DLG2: variants seen among roughly 807,000 people sequenced by gnomAD.
DLG2 encodes discs large MAGUK scaffold protein 2.
DLG2 carries 45 observed loss-of-function variants against 132.5 expected under a neutral mutation model. That is an observed-to-expected ratio of 0.34 (90% CI 0.27 to 0.44). DLG2 has a LOEUF of 0.44. Among genes scored for constraint, DLG2 ranks in the 20% least tolerant of loss-of-function variants. DLG2 has a pLI of 1.00. For synonymous variants in DLG2, 424 were observed against 419.6 expected (o/e 1.01, Z -0.13); for missense variants, 1,045 against 1,196.9 (o/e 0.87, Z 1.87).
chr11:84,781,555 T>C (rs1048471892), intron 6 of DLG2, among the ~76,000 whole-genome samples: 3 of 151,976 alleles, frequency 2.0e-5, no homozygotes, highest in Non-Finnish European at 2.9e-5. Flanking sequence ...ATAGAAATTG[T>C]CCTTTAAGTG....
chr11:84,469,487 G>A (rs1054337606), intron 7 of DLG2, among the ~76,000 whole-genome samples: 1 of 151,610 alleles, frequency 6.6e-6, no homozygotes, highest in Non-Finnish European at 1.5e-5. Context: ...TGGTAGGAGA[G>A]CTATTTCAGT....
At chr11:83,821,480 G>C (rs186160022) in intron 17 of DLG2, among the ~76,000 whole-genome samples, 1 of 152,090 alleles carries the variant, frequency 6.6e-6, no homozygotes, top group Non-Finnish European at 1.5e-5. Flanking sequence ...CATAGTAGTT[G>C]TTTCTTTTTA....
chr11:85,489,361 A>C (rs2093505042), intron 3 of DLG2, among the ~76,000 whole-genome samples: 1 of 152,222 alleles, frequency 6.6e-6, no homozygotes, highest in Non-Finnish European at 1.5e-5. Flanking sequence ...AAGAGGATAT[A>C]ATCATTCTAA....
At chr11:83,683,411 C>A (rs1487624227) in intron 18 of DLG2, among the ~76,000 whole-genome samples, 1 of 152,122 alleles carries the variant, frequency 6.6e-6, no homozygotes, top group African/African-American at 2.4e-5. Context: ...AATTTAGTTT[C>A]AAAGCCCAGA....
intron 11 of DLG2, among the ~76,000 whole-genome samples, chr11:84,042,625 T>G (rs1454546264): frequency 6.6e-6 from 1 of 151,894 alleles, no homozygotes; most frequent in Non-Finnish European, 1.5e-5. Context: ...TTCTCTTCTT[T>G]TTAAGTTCCA....
At chr11:83,988,240 T>TTTCTTCTAGGTTTA (rs1437709665) in intron 11 of DLG2, among the ~76,000 whole-genome samples, 2 of 152,176 alleles carry the variant, frequency 1.3e-5, no homozygotes, top group African/African-American at 4.8e-5. Flanking sequence ...TTTCTTAGAT[T>TTTCTTCTAGGTTTA]TTCTTCTAGG....
At chr11:84,056,731 G>A (rs2096507484) in intron 11 of DLG2, among the ~76,000 whole-genome samples, 1 of 152,158 alleles carries the variant, frequency 6.6e-6, no homozygotes, top group African/African-American at 2.4e-5. Flanking sequence ...TTCAGCACTA[G>A]CTGTGTTTAT....
At chr11:83,822,318 T>C (rs558526158) in intron 17 of DLG2, among the ~76,000 whole-genome samples, 2 of 152,278 alleles carry the variant, frequency 1.3e-5, no homozygotes, top group African/African-American at 4.8e-5. Flanking sequence ...ATAATTTCTA[T>C]TGTTTAAGAA....
At position 84,721,650 on chromosome 11, in the gene DLG2, G is replaced by A. The variant is rs183947374; in HGVS notation, c.358-186919C>T. ...AGAAGGGTGTGGGGGTAGGAAGTGG[G>A]TAAAACTAGCACTCTTTGGGTGCCA... On this transcript the variant is annotated intron_variant, in intron 6 of 27. Coordinates refer to ENST00000376104, the MANE Select transcript of DLG2 (RefSeq NM_001142699.3). Among the ~76,000 whole-genome samples, 13 of 152,260 alleles carry A rather than the reference G, an allele frequency of 8.5e-5. No homozygotes were observed. In the East Asian group the frequency reaches 2.5e-3, roughly 29 times the overall value.
chr11:83,882,731 C>G (rs886841124), intron 15 of DLG2, among the ~76,000 whole-genome samples: 1 of 152,250 alleles, frequency 6.6e-6, no homozygotes, highest in East Asian at 1.9e-4. Flanking sequence ...TAAATCCAAA[C>G]TTTAGACTAA....
At chr11:83,675,573 T>C (rs945912824) in intron 18 of DLG2, among the ~76,000 whole-genome samples, 2 of 152,226 alleles carry the variant, frequency 1.3e-5, no homozygotes, top group Non-Finnish European at 2.9e-5. Context: ...TTCACATTGA[T>C]TGACTCCAAA....
chr11:84,272,948 C>T (rs1394326863), intron 7 of DLG2, among the ~76,000 whole-genome samples: 3 of 152,090 alleles, frequency 2.0e-5, no homozygotes, highest in African/African-American at 7.2e-5. Flanking sequence ...TTTATTCTTT[C>T]TCACCGATTA....
intron 21 of DLG2, among the ~76,000 whole-genome samples, chr11:83,491,551 C>CT (rs1456100842): frequency 3.3e-5 from 5 of 152,012 alleles, no homozygotes; most frequent in East Asian, 1.9e-4. Flanking sequence ...AGTCAGCAGT[C>CT]TAAGTTGGGG....
In DLG2 at chr11:85,513,978, T is replaced by C. The variant is rs116256000; in HGVS notation, c.40+84679A>G. 5.9e-3 allele frequency among the ~76,000 whole-genome samples: 896 copies of C among 152,080 alleles called. 5 individuals are homozygous for C. Among genetic ancestry groups the C allele is most frequent in the African/African-American group, 0.02 (821 of 41,562 alleles). On this transcript the variant is annotated intron_variant, in intron 3 of 27. Coordinates refer to ENST00000376104, the MANE Select transcript of DLG2 (RefSeq NM_001142699.3). ...AGTTGAAGTATTCACTAGCTTTCTT[T>C]TGAACAATTTAGTTTTCTCTTGAAC...
At chr11:84,408,100 G>T (rs1567553820) in intron 7 of DLG2, among the ~76,000 whole-genome samples, 1 of 152,050 alleles carries the variant, frequency 6.6e-6, no homozygotes, top group Non-Finnish European at 1.5e-5. Flanking sequence ...TTTATTCAGG[G>T]TGCCAATGAG....
chr11:83,944,031 A>G (rs2154141165), intron 14 of DLG2, among the ~76,000 whole-genome samples: 1 of 152,368 alleles, frequency 6.6e-6, no homozygotes, highest in East Asian at 1.9e-4. Context: ...CTATATTTAT[A>G]TACCAGATAC....
rs79139217 is a variant in DLG2 at position 84,721,160 on chromosome 11, T to G, written c.358-186429A>C. The stretch of plus-strand genomic sequence containing the variant: ...GACTTCCCGGGAAGGGGAGGCCCGC[T>G]CGGAGCGCGGCAGGGAACTTCCTCC... On this transcript the variant is annotated intron_variant, in intron 6 of 27. Transcript: ENST00000376104. Among the ~76,000 whole-genome samples the G allele has an allele frequency of 9.3e-3, 1,412 of 151,998 alleles. 22 individuals are homozygous for G. Among genetic ancestry groups the G allele is most frequent in the African/African-American group, 0.032 (1,307 of 41,448 alleles).
intron 12 of DLG2, 134 bp downstream of exon 12, chr11:83,980,372 A>G (rs747579325): frequency 2.0e-6 from 2 of 989,314 alleles, no homozygotes; most frequent in Non-Finnish European, 2.9e-6. Context: ...ATTGTGAGAA[A>G]ATAGATTTCT....
chr11:83,689,070 T>C (rs2080363521), intron 18 of DLG2, among the ~76,000 whole-genome samples: 1 of 152,162 alleles, frequency 6.6e-6, no homozygotes, highest in Non-Finnish European at 1.5e-5. Flanking sequence ...ATAAATTTAA[T>C]AGATAATAGC....
Sources: allele counts gnomAD v4.1 joint callset (sites outside exome capture counted in the v4.1 genomes callset), GRCh38; gene constraint gnomAD v4.1.1; transcripts MANE v1.5; gene names NCBI Gene and HGNC (gene_info 2026-07-23, HGNC 2026-07-21).